The following MOV10 variants were observed in gnomAD, a reference collection of about 807,000 sequenced individuals.
The protein encoded by MOV10 is Mov10 RNA helicase.
A neutral mutation model predicts 108.4 loss-of-function variants in MOV10; 39 were observed. The ratio of observed to expected loss-of-function variants is 0.36; its 90% CI spans 0.28 to 0.47. The LOEUF (loss-of-function observed/expected upper bound fraction) is 0.47. Among genes scored for constraint, MOV10 ranks in the 20% least tolerant of loss-of-function variants. The pLI, the probability that MOV10 is intolerant of heterozygous loss-of-function variation, is 1.00. For synonymous variants in MOV10, 490 were observed against 523.1 expected (o/e 0.94, Z 0.86); for missense variants, 952 against 1,297.6 (o/e 0.73, Z 4.09).
intron 2 of MOV10, among the ~76,000 whole-genome samples, chr1:112,682,295 C>T (rs1018788400): frequency 1.3e-5 from 2 of 152,166 alleles, no homozygotes; most frequent in African/African-American, 4.8e-5. Context: ...ATGAACATAG[C>T]TCACTGCAGC....
chr1:112,692,806 G>A lies in MOV10; in HGVS notation c.1017G>A (p.Lys339=), dbSNP rs1307781036. ...TALKWRNYEV[K]LRLLLHLEEL... ...TGAAGTGGAGGAACTATGAGGTGAA[G>A]CTGCGGCTGCTGCTGCACCTGGAGG... The change falls in exon 7 of 21, where the codon AAG becomes AAA. Residue 339 remains lysine, a synonymous_variant. Transcript: ENST00000369645. The A allele has an allele frequency of 1.2e-6, 2 of 1,614,060 alleles. No homozygotes were observed. Among genetic ancestry groups the A allele is most frequent in the Non-Finnish European group, 1.7e-6 (2 of 1,180,026 alleles).
In MOV10 at chr1:112,694,549, A is replaced by C. The variant is rs883593; in HGVS notation, c.1392A>C (p.Thr464=). The C allele has an allele frequency of 6.2e-7, 1 of 1,613,820 alleles. No homozygotes were observed. The highest frequency in any genetic ancestry group is 8.5e-7 in the Non-Finnish European group (1 of 1,179,962). The change falls in exon 9 of 21, where the codon ACA becomes ACC. Residue 464 remains threonine, a synonymous_variant. Coordinates refer to ENST00000369645, the MANE Select transcript of MOV10 (RefSeq NM_001321324.2). This position sits in a 1 kb window ranked among gnomAD's most constrained non-coding sequence, Gnocchi z 4.1. ...TCCAGCACCGTGCCCTGGAGCTGACAGGGCGCTGGCTGCTGTGGCCCATGC... is the reference window on the plus strand; with the variant it reads ...TCCAGCACCGTGCCCTGGAGCTGACCGGGCGCTGGCTGCTGTGGCCCATGC... ...LRVQHRALEL[T]GRWLLWPMLF...
rs1011030812 is a variant in MOV10 at position 112,675,433 on chromosome 1, G to A, written c.137+384G>A. Among the ~76,000 whole-genome samples, 6 of 152,220 alleles carry A rather than the reference G, an allele frequency of 3.9e-5. No individual in the cohort carries two copies. The highest frequency in any genetic ancestry group is 1.2e-4 in the African/African-American group (5 of 41,462). On this transcript the variant is annotated intron_variant, in intron 2 of 20. Coordinates refer to ENST00000369645, the MANE Select transcript of MOV10 (RefSeq NM_001321324.2). This position sits in a 1 kb window ranked among gnomAD's most constrained non-coding sequence, Gnocchi z 4.7. ...GAGGGGGCCCAGGCATCGCGGGAGCGCGGGTTAGAGGCTGCCTGTTGGGGG... is the reference window on the plus strand; with the variant it reads ...GAGGGGGCCCAGGCATCGCGGGAGCACGGGTTAGAGGCTGCCTGTTGGGGG...
chr1:112,693,053 G>C, intron 7 of MOV10, 124 bp downstream of exon 7: 1 of 910,970 alleles, frequency 1.1e-6, no homozygotes, highest in Non-Finnish European at 1.6e-6. Context: ...CCAGGGCTCC[G>C]CAAGAAGCAG....
rs766846743 is a variant in MOV10 at position 112,698,296 on chromosome 1, A to G, written c.2326A>G (p.Ile776Val). Residue 776 changes from isoleucine to valine, a missense_variant, in exon 16 of 21, where the codon ATC (isoleucine) becomes GTC (valine). By Grantham distance (29) the Ile-to-Val change is conservative. This residue lies in a region of MOV10 where 453 missense variants were observed against 611.5 expected (regional missense o/e 0.74). Transcript: ENST00000369645. ...CCGACCCCATGTCCAGGGCTTTCCC[A>G]TCATCTTTCACGGCGTAATGGGCAA... The part of the protein sequence containing the change: ...WAGLPRQGFP[I>V]IFHGVMGKDE... 6.2e-7 allele frequency: 1 copy of G among 1,613,554 alleles called. No individual in the cohort carries two copies. The highest frequency in any genetic ancestry group is 8.5e-7 in the Non-Finnish European group (1 of 1,179,710).
At chr1:112,690,642 G>A (rs1360259055) in intron 5 of MOV10, among the ~76,000 whole-genome samples, 6 of 151,990 alleles carry the variant, frequency 3.9e-5, no homozygotes, top group African/African-American at 7.2e-5. Context: ...TTACAGGGGC[G>A]AGCCACCGTG....
intron 16 of MOV10, 60 bp downstream of exon 16, chr1:112,698,538 A>C: frequency 1.3e-6 from 2 of 1,547,512 alleles, no homozygotes; most frequent in Non-Finnish European, 1.8e-6. Flanking sequence ...CCTCCTTAAT[A>C]TCCAGACCAC....
At chr1:112,696,052 TA>T in intron 11 of MOV10, 95 bp from the exon 12 acceptor site, 2 of 836,352 alleles carry the variant, frequency 2.4e-6, no homozygotes, top group Non-Finnish European at 3.9e-6. Flanking sequence ...TTAAAAAAAA[TA>T]AAAATAATTG....
chr1:112,689,160 T>C (rs1673334783), intron 3 of MOV10, 22 bp downstream of exon 3: 3 of 1,572,694 alleles, frequency 1.9e-6, no homozygotes, highest in Non-Finnish European at 2.6e-6. Context: ...TTGTATGTTG[T>C]GTGTACGGGG....
intron 17 of MOV10, chr1:112,699,425 C>T (rs1034208246): frequency 2.3e-6 from 3 of 1,302,050 alleles, no homozygotes; most frequent in Admixed American, 3.6e-5. Context: ...TCTGAGTTCC[C>T]GTGTTCTTTG....
chr1:112,691,631 G>A, intron 5 of MOV10, 34 bp from the exon 6 acceptor site: 1 of 1,605,952 alleles, frequency 6.2e-7, no homozygotes, highest in East Asian at 2.2e-5. Flanking sequence ...GGAGGGTGAG[G>A]GGTTTTCTGT....
intron 14 of MOV10, among the ~76,000 whole-genome samples, chr1:112,697,641 A>C (rs960916369): frequency 2.0e-5 from 3 of 152,214 alleles, no homozygotes; most frequent in Non-Finnish European, 2.9e-5. Context: ...ATCACTGCTT[A>C]TATTTTTTGA....
At chr1:112,681,386 C>T (rs540551271) in intron 2 of MOV10, among the ~76,000 whole-genome samples, 1 of 151,972 alleles carries the variant, frequency 6.6e-6, no homozygotes. Context: ...CCCAGCTACT[C>T]GGGAGGCTGA....
In MOV10 at chr1:112,691,259, T is replaced by C. The variant is rs562343452; in HGVS notation, c.837-406T>C. 9.1e-4 allele frequency among the ~76,000 whole-genome samples: 139 copies of C among 152,246 alleles called. 1 individual carries two copies. Among genetic ancestry groups the C allele is most frequent in the African/African-American group, 3.2e-3 (134 of 41,538 alleles). ...GAGATTGCGCCATTGCACTTCAGCCTGGGCAACAGAGTGGGACTCAAAAAA... is the reference window on the plus strand; with the variant it reads ...GAGATTGCGCCATTGCACTTCAGCCCGGGCAACAGAGTGGGACTCAAAAAA... On this transcript the variant is annotated intron_variant, in intron 5 of 20. Transcript: ENST00000369645.
Position 112,700,579 on chromosome 1 carries a change from T to C in MOV10, c.*72T>C, listed in dbSNP as rs1255760775. 9 of 1,585,812 alleles carry C rather than the reference T, an allele frequency of 5.7e-6. No homozygotes were observed. The highest frequency in any genetic ancestry group is 6.9e-6 in the Non-Finnish European group (8 of 1,165,974). ...GCCTGACCCTGAACCAGAACCCAGC[T>C]GAACTGCCCCTCCAAGGGACAGGAA... is the stretch of plus-strand genomic sequence containing the variant. On this transcript the variant is annotated 3_prime_UTR_variant, in exon 21 of 21. Coordinates refer to ENST00000369645, the MANE Select transcript of MOV10 (RefSeq NM_001321324.2).
chr1:112,694,555 C>G lies in MOV10; in HGVS notation c.1398C>G (p.Arg466=). The part of the protein sequence containing the change: ...VQHRALELTG[R]WLLWPMLFPV... ...ACCGTGCCCTGGAGCTGACAGGGCGCTGGCTGCTGTGGCCCATGCTCTTTC... is the reference window on the plus strand; with the variant it reads ...ACCGTGCCCTGGAGCTGACAGGGCGGTGGCTGCTGTGGCCCATGCTCTTTC... Residue 466 remains arginine, a synonymous_variant, in exon 9 of 21, where the codon CGC becomes CGG. Transcript: ENST00000369645. The surrounding 1 kb of genome is among the most constrained non-coding windows in gnomAD (Gnocchi z 4.1). The G allele has an allele frequency of 6.2e-7, 1 of 1,614,080 alleles. No individual in the cohort carries two copies. Among genetic ancestry groups the G allele is most frequent in the Non-Finnish European group, 8.5e-7 (1 of 1,179,982 alleles).
At chr1:112,692,704 G>T in intron 6 of MOV10, 57 bp from the exon 7 acceptor site, 5 of 1,597,824 alleles carry the variant, frequency 3.1e-6, no homozygotes, top group Non-Finnish European at 3.4e-6. Context: ...GGGCATAGGG[G>T]TTGTCTGGCC....
intron 2 of MOV10, among the ~76,000 whole-genome samples, chr1:112,685,827 G>A (rs1185518777): frequency 6.6e-6 from 1 of 152,110 alleles, no homozygotes; most frequent in African/African-American, 2.4e-5. Context: ...GTGAATTTGG[G>A]TAGTGATGAG....
rs373831871 is a variant in MOV10, at chr1:112,698,565, G to A, written c.2508+87G>A. ...CCAGACCACTAGGCAGAGGCTCCAG[G>A]AGCTTAGGCCTCTGCTGGCTCCGTA... On this transcript the variant is annotated intron_variant, in intron 16 of 20. Coordinates refer to ENST00000369645, the MANE Select transcript of MOV10 (RefSeq NM_001321324.2). 6.0e-6 allele frequency: 9 copies of A among 1,489,074 alleles called. No individual in the cohort carries two copies. In the South Asian group the frequency reaches 8.5e-5, roughly 14 times the overall value. 92.2% of individuals were successfully genotyped at this position (1,489,074 alleles called of 1,614,324 possible).
Sources: allele counts gnomAD v4.1 joint callset (sites outside exome capture counted in the v4.1 genomes callset), GRCh38; gene constraint gnomAD v4.1.1; regional missense constraint gnomAD v4.1.1; non-coding constraint Gnocchi (gnomAD v3.1); transcripts MANE v1.5; gene names NCBI Gene and HGNC (gene_info 2026-07-23, HGNC 2026-07-21).